The following PALLD variants were observed in gnomAD, a reference collection of about 807,000 sequenced individuals.
PALLD encodes the protein palladin, cytoskeletal associated protein.
In PALLD, 61 loss-of-function variants were observed where a neutral mutation model predicts 123.5. That is an observed-to-expected ratio of 0.49 (90% CI 0.40 to 0.61). The LOEUF is 0.61. PALLD is among the 20% of genes least tolerant of loss of function. The pLI is 0.00. For missense variants in PALLD, 1,273 were observed against 1,377.0 expected (o/e 0.92, Z 1.20); for synonymous variants, 465 against 496.4 (o/e 0.94, Z 0.84).
chr4:168,635,646 G>A (rs557893694), intron 2 of PALLD, among the ~76,000 whole-genome samples: 2 of 152,336 alleles, frequency 1.3e-5, no homozygotes, highest in African/African-American at 4.8e-5. Flanking sequence ...GCCATGGAAA[G>A]CATGTTTGTG....
chr4:168,697,180 C>T (rs1783211401), intron 8 of PALLD, among the ~76,000 whole-genome samples: 2 of 152,186 alleles, frequency 1.3e-5, no homozygotes, highest in African/African-American at 4.8e-5. Flanking sequence ...AAAAAAGTTA[C>T]CTACAACTTG....
intron 1 of PALLD, among the ~76,000 whole-genome samples, chr4:168,505,211 C>A (rs765489941): frequency 6.6e-6 from 1 of 152,136 alleles, no homozygotes; most frequent in Non-Finnish European, 1.5e-5. Flanking sequence ...AAGCCTGAAC[C>A]AGATATGCCA....
Position 168,577,735 on chromosome 4 carries a change from G to A in PALLD, c.908+65323G>A, listed in dbSNP as rs62335498. ...GACCCAAGAGTAGAGAGGCAATTTG[G>A]AAACTGAAAGAAAGGCTAAATTGAC... On this transcript the variant is annotated intron_variant, in intron 2 of 21. Coordinates refer to ENST00000505667, the MANE Select transcript of PALLD (RefSeq NM_001166108.2). Among the ~76,000 whole-genome samples, 481 of 146,428 alleles carry A rather than the reference G, an allele frequency of 3.3e-3. 8 individuals are homozygous for A. Among genetic ancestry groups the A allele is most frequent in the Non-Finnish European group, 4.6e-3 (308 of 66,684 alleles).
chr4:168,759,220 T>A (rs1270488299), intron 10 of PALLD, among the ~76,000 whole-genome samples: 820 of 30,116 alleles, frequency 0.027, 126 homozygotes, highest in Non-Finnish European at 0.037. Flanking sequence ...TATATATATA[T>A]ATATATATAT....
rs560996786 is a variant in PALLD, at chr4:168,601,709, A to G, written c.909-66481A>G. ...AATGCAAGGACACAGGAGATATCAA[A>G]GAAAGCAAAATCTCAGCAATTGCAC... On this transcript the variant is annotated intron_variant, in intron 2 of 21. Transcript: ENST00000505667. Among the ~76,000 whole-genome samples, 17 of 152,358 alleles carry G rather than the reference A, an allele frequency of 1.1e-4. No individual in the cohort carries two copies. In the South Asian group the frequency reaches 3.5e-3, roughly 32 times the overall value.
At chr4:168,736,707 G>A (rs1787791327) in intron 10 of PALLD, among the ~76,000 whole-genome samples, 1 of 152,160 alleles carries the variant, frequency 6.6e-6, no homozygotes, top group Admixed American at 6.5e-5. Flanking sequence ...CCGCCTGGGT[G>A]GAGATGGCTG....
At chr4:168,514,097 C>T (rs944446845) in intron 2 of PALLD, among the ~76,000 whole-genome samples, 3 of 150,220 alleles carry the variant, frequency 2.0e-5, no homozygotes, top group Non-Finnish European at 4.4e-5. Context: ...GGTGACAGAG[C>T]GAGACTCTGT....
intron 2 of PALLD, among the ~76,000 whole-genome samples, chr4:168,588,121 A>G (rs1771030296): frequency 6.6e-6 from 1 of 152,060 alleles, no homozygotes. Context: ...TCCTCTCAGC[A>G]GTTTGTGAGA....
chr4:168,820,583 G>A (rs1742573724), intron 10 of PALLD, among the ~76,000 whole-genome samples: 1 of 152,104 alleles, frequency 6.6e-6, no homozygotes, highest in South Asian at 2.1e-4. Context: ...TTTAGACAAA[G>A]TATCAGCCTT....
intron 8 of PALLD, among the ~76,000 whole-genome samples, chr4:168,699,189 C>T (rs1282473155): frequency 6.6e-6 from 1 of 152,110 alleles, no homozygotes; most frequent in Non-Finnish European, 1.5e-5. Flanking sequence ...AGTGATTCTC[C>T]TGCCTTAGCC....
intron 2 of PALLD, among the ~76,000 whole-genome samples, chr4:168,589,070 T>C (rs1162615396): frequency 1.3e-5 from 2 of 152,260 alleles, no homozygotes; most frequent in African/African-American, 4.8e-5. Flanking sequence ...AAGCGGGCTA[T>C]TGTCAAGCAC....
intron 2 of PALLD, among the ~76,000 whole-genome samples, chr4:168,555,833 AG>A (rs1052010149): frequency 1.3e-5 from 2 of 152,204 alleles, no homozygotes; most frequent in African/African-American, 4.8e-5. Flanking sequence ...ATTATTCAAA[AG>A]CTTACCTCTG....
chr4:168,758,309 A>G (rs541950139), intron 10 of PALLD, among the ~76,000 whole-genome samples: 2 of 152,234 alleles, frequency 1.3e-5, no homozygotes, highest in South Asian at 2.1e-4. Context: ...ATCCAACTCA[A>G]ATTTCCAAAG....
intron 10 of PALLD, among the ~76,000 whole-genome samples, chr4:168,878,692 G>T (rs1419898117): frequency 1.3e-5 from 2 of 148,616 alleles, no homozygotes; most frequent in African/African-American, 2.5e-5. Flanking sequence ...TGGGGGGGGG[G>T]GTGCTTAGCT....
At position 168,584,779 on chromosome 4, in the gene PALLD, A is replaced by G. The variant is rs139885608; in HGVS notation, c.908+72367A>G. Among the ~76,000 whole-genome samples the G allele has an allele frequency of 6.6e-5, 10 of 152,344 alleles. No individual in the cohort carries two copies. In the East Asian group the frequency reaches 1.9e-3, roughly 29 times the overall value. ...GATGGAAAATCCTGCCATGGCTGAG[A>G]ATATGGATAAACTTGAGGGGGACTG... is the stretch of plus-strand genomic sequence containing the variant. On this transcript the variant is annotated intron_variant, in intron 2 of 21. Transcript: ENST00000505667.
At chr4:168,759,845 G>A (rs897574362) in intron 10 of PALLD, among the ~76,000 whole-genome samples, 11 of 152,022 alleles carry the variant, frequency 7.2e-5, no homozygotes, top group African/African-American at 2.4e-4. Flanking sequence ...CTTGAACCCA[G>A]GAGTTCGAGA....
At chr4:168,786,454 G>T (rs994703284) in intron 10 of PALLD, among the ~76,000 whole-genome samples, 2 of 151,688 alleles carry the variant, frequency 1.3e-5, no homozygotes, top group Non-Finnish European at 2.9e-5. Context: ...CCAGAAGATC[G>T]CTTGAGCCCA....
intron 14 of PALLD, among the ~76,000 whole-genome samples, chr4:168,899,135 T>C (rs1381452995): frequency 6.6e-6 from 1 of 152,134 alleles, no homozygotes; most frequent in Non-Finnish European, 1.5e-5. Context: ...ACTTCCAATC[T>C]TTAATCAAAA....
intron 6 of PALLD, among the ~76,000 whole-genome samples, chr4:168,687,864 A>G (rs987333959): frequency 1.3e-5 from 2 of 152,178 alleles, no homozygotes; most frequent in African/African-American, 4.8e-5. Context: ...TGTTCTTTAT[A>G]TAGGTTGATT....
Sources: gnomAD v4.1 joint callset for allele counts (sites outside exome capture counted in the v4.1 genomes callset) on GRCh38, gnomAD v4.1.1 for gene constraint, MANE v1.5 for transcripts, NCBI Gene and HGNC (gene_info 2026-07-23, HGNC 2026-07-21) for gene names.